DMD: variants seen among roughly 807,000 people sequenced by gnomAD.
DMD encodes the protein dystrophin, also known as mutant dystrophin.
In DMD, 63 loss-of-function variants were observed where a neutral mutation model predicts 330.1. That is an observed-to-expected ratio of 0.19 (90% CI 0.16 to 0.24). DMD has a LOEUF of 0.24. DMD is among the 10% of genes least tolerant of loss of function. The pLI is 1.00. For missense variants in DMD, 3,344 were observed against 2,684.1 expected (o/e 1.25, Z -5.43); for synonymous variants, 1,223 against 959.8 (o/e 1.27, Z -5.07).
chrX:32,446,345 C>T (rs6631582), intron 27 of DMD, among the ~76,000 whole-genome samples: 34,752 of 108,219 alleles, frequency 0.32, 4,560 homozygotes, highest in East Asian at 0.68. Context: ...GAAACAATAA[C>T]TTGACAGCAG....
intron 44 of DMD, among the ~76,000 whole-genome samples, chrX:32,085,602 A>ATATACGCG (rs1462989978): frequency 3.2e-5 from 3 of 93,598 alleles, no homozygotes; most frequent in Admixed American, 1.2e-4. Context: ...ATATGTATAT[A>ATATACGCG]TGTGTATATA....
rs773494161 is a variant in DMD at position 32,279,463 on chromosome X, T to C, written c.6290+8066A>G. Among the ~76,000 whole-genome samples, 3 of 111,625 alleles carry C rather than the reference T, an allele frequency of 2.7e-5. No homozygotes were observed. In the East Asian group the frequency reaches 8.5e-4, roughly 32 times the overall value. ...AAGAAAATGTGATACATATACGTAA[T>C]AGAGTACTATTCAGCCATAAAAAGA... On this transcript the variant is annotated intron_variant, in intron 43 of 78. Transcript: ENST00000357033.
chrX:32,531,057 T>C (rs755761225), intron 17 of DMD, among the ~76,000 whole-genome samples: 19 of 112,047 alleles, frequency 1.7e-4, no homozygotes, highest in Non-Finnish European at 3.0e-4. Context: ...TTCGTTTTCT[T>C]ATCTGCATAA....
At chrX:31,374,385 T>C (rs1360393876) in intron 60 of DMD, among the ~76,000 whole-genome samples, 2 of 108,705 alleles carry the variant, frequency 1.8e-5, no homozygotes, top group Non-Finnish European at 1.9e-5. Context: ...ACGTTTATTG[T>C]GGCACTATTC....
chrX:32,806,228 G>A (rs1029145161), intron 7 of DMD, among the ~76,000 whole-genome samples: 3 of 111,457 alleles, frequency 2.7e-5, no homozygotes, highest in Non-Finnish European at 3.8e-5. Flanking sequence ...AAAATAAAAG[G>A]ATAGAGGAAT....
At chrX:32,721,634 C>A (rs1329147719) in intron 7 of DMD, among the ~76,000 whole-genome samples, 1 of 110,712 alleles carries the variant, frequency 9.0e-6, no homozygotes, top group African/African-American at 3.3e-5. Flanking sequence ...TTGCAAATAT[C>A]TACTCATAAT....
chrX:33,010,405 T>C lies in DMD; in HGVS notation c.93+9734A>G, dbSNP rs745958491. On this transcript the variant is annotated intron_variant, in intron 2 of 78. Coordinates refer to ENST00000357033, the MANE Select transcript of DMD (RefSeq NM_004006.3). ...ACATTTTTTAAAAAATAGGTATAGG[T>C]TGAGCCTCTCAAATCCAAAAATCCC... Among the ~76,000 whole-genome samples the C allele has an allele frequency of 3.7e-5, 4 of 108,772 alleles. No homozygotes were observed. The East Asian group carries it at 8.8e-4, about 24-fold the overall frequency. 94.5% of individuals were successfully genotyped at this position (108,772 alleles called of 115,157 possible).
At chrX:31,770,104 T>G (rs1036840324) in intron 51 of DMD, among the ~76,000 whole-genome samples, 1 of 112,389 alleles carries the variant, frequency 8.9e-6, no homozygotes, top group Non-Finnish European at 1.9e-5. Flanking sequence ...CAGAAAGGCA[T>G]GCTCAGATTC....
intron 2 of DMD, among the ~76,000 whole-genome samples, chrX:33,000,439 C>T (rs113712664): frequency 0.027 from 3,085 of 112,228 alleles, 107 homozygotes; most frequent in African/African-American, 0.095. Context: ...TCTATAGTTA[C>T]ATTTTCTAGT....
At chrX:33,037,654 A>C (rs775227896) in intron 1 of DMD, among the ~76,000 whole-genome samples, 14 of 111,968 alleles carry the variant, frequency 1.3e-4, no homozygotes, top group African/African-American at 4.5e-4. Context: ...AGCACTGAAA[A>C]ACTTGTAAGT....
chrX:32,718,942 C>T (rs2065989612), intron 7 of DMD, among the ~76,000 whole-genome samples: 1 of 111,920 alleles, frequency 8.9e-6, no homozygotes, highest in East Asian at 2.8e-4. Flanking sequence ...ATTTAAAATG[C>T]TCCATTAGGT....
intron 44 of DMD, among the ~76,000 whole-genome samples, chrX:32,181,529 C>T (rs1468529347): frequency 1.8e-5 from 2 of 111,500 alleles, no homozygotes; most frequent in African/African-American, 3.3e-5. Flanking sequence ...GACATTATTA[C>T]CTGAATATAG....
chrX:31,293,193 T>TGTGTGTGTGTGTGTGTGTGTGTGTGTGC (rs1569519830), intron 62 of DMD, among the ~76,000 whole-genome samples: 1 of 57,894 alleles, frequency 1.7e-5, no homozygotes, highest in Non-Finnish European at 3.0e-5. Context: ...TGTGTGTGTG[T>TGTGTGTGTGTGTGTGTGTGTGTGTGTGC]AGTCTGGTTT....
rs1037562576 is a variant in DMD at position 32,650,898 on chromosome X, G to T, written c.961-5746C>A. Reference sequence around the variant, plus strand: ...AGTCAATTTGCTAATCACTTAACACGCATTATATCATTTTTCACTACAACA... The same window carrying T: ...AGTCAATTTGCTAATCACTTAACACTCATTATATCATTTTTCACTACAACA... On this transcript the variant is annotated intron_variant, in intron 9 of 78. Coordinates refer to ENST00000357033, the MANE Select transcript of DMD (RefSeq NM_004006.3). Among the ~76,000 whole-genome samples, 4 of 111,334 alleles carry T rather than the reference G, an allele frequency of 3.6e-5. No individual in the cohort carries two copies. The South Asian group carries it at 1.5e-3, about 42-fold the overall frequency.
chrX:32,602,074 A>G (rs1420049764), intron 12 of DMD, among the ~76,000 whole-genome samples: 1 of 112,236 alleles, frequency 8.9e-6, no homozygotes, highest in Admixed American at 9.5e-5. Context: ...AAGTGAAGTT[A>G]CAGCAAAGTT....
At chrX:32,251,377 A>G (rs184080743) in intron 43 of DMD, among the ~76,000 whole-genome samples, 1 of 110,617 alleles carries the variant, frequency 9.0e-6, no homozygotes, top group African/African-American at 3.3e-5. Context: ...TGTATCTCAA[A>G]TTGAATATAA....
intron 1 of DMD, among the ~76,000 whole-genome samples, chrX:33,193,856 T>C (rs1246795089): frequency 9.0e-6 from 1 of 111,536 alleles, no homozygotes; most frequent in Non-Finnish European, 1.9e-5. Flanking sequence ...CTTATAATTC[T>C]TTCCATCACT....
chrX:33,075,839 A>G (rs1029418836), intron 1 of DMD, among the ~76,000 whole-genome samples: 2 of 111,656 alleles, frequency 1.8e-5, no homozygotes, highest in South Asian at 7.6e-4. Flanking sequence ...TTTATAGCTT[A>G]TGGTTTAAAA....
chrX:32,659,217 C>A lies in DMD; in HGVS notation c.961-14065G>T, dbSNP rs1368951267. Among the ~76,000 whole-genome samples the A allele has an allele frequency of 2.7e-5, 3 of 112,118 alleles. No homozygotes were observed. In the Admixed American group the frequency reaches 2.8e-4, roughly 11 times the overall value. ...CCAAGGACATTAGCTATATTCACCT[C>A]CTTAACATACACCAGTTGCTTGGTT... On this transcript the variant is annotated intron_variant, in intron 9 of 78. Coordinates refer to ENST00000357033, the MANE Select transcript of DMD (RefSeq NM_004006.3).
Sources: allele counts gnomAD v4.1 joint callset (sites outside exome capture counted in the v4.1 genomes callset), GRCh38; gene constraint gnomAD v4.1.1; transcripts MANE v1.5; gene names NCBI Gene and HGNC (gene_info 2026-07-23, HGNC 2026-07-21).